Variants in RTN4RL1 observed in about 807,000 individuals in gnomAD.
RTN4RL1 encodes the protein reticulon 4 receptor like 1, also known as reticulon-4 receptor-like 1.
A neutral mutation model predicts 25.6 loss-of-function variants in RTN4RL1; 7 were observed. The observed-to-expected ratio is 0.27, with a 90% CI of 0.16 to 0.51. RTN4RL1 has a LOEUF of 0.51. RTN4RL1 is among the 20% of genes least tolerant of loss of function. RTN4RL1 has a pLI of 0.97. For synonymous variants in RTN4RL1, 297 were observed against 288.2 expected, an observed-to-expected ratio of 1.03 and a Z score of -0.31; for missense variants, 500 against 615.6, an observed-to-expected ratio of 0.81 and a Z score of 1.99.
chr17:2,024,927 T>G lies in RTN4RL1; in HGVS notation c.-62A>C. On this transcript the variant is annotated 5_prime_UTR_variant, in exon 1 of 2. It removes the in-frame stop codon of an upstream open reading frame in the 5' UTR. Coordinates refer to ENST00000331238, the MANE Select transcript of RTN4RL1 (RefSeq NM_178568.4). ...GCGCACTCCCTCCCGGGGTCCAGAT[T>G]CAAATCCCTGGGCGCCAGCTGCAGC... The G allele has an allele frequency of 6.5e-7, 1 of 1,526,780 alleles. No homozygotes were observed. Among genetic ancestry groups the G allele is most frequent in the Non-Finnish European group, 8.8e-7 (1 of 1,130,538 alleles). The allele number at this position is 1,526,780 out of a possible 1,614,324, so 94.6% of individuals were successfully genotyped here.
chr17:1,981,678 G>A (rs2066867986), intron 1 of RTN4RL1, among the ~76,000 whole-genome samples: 1 of 152,180 alleles, frequency 6.6e-6, no homozygotes, highest in Non-Finnish European at 1.5e-5. Context: ...TGACGTGCTG[G>A]TACACACTGC....
chr17:1,960,665 T>G (rs780392005), intron 1 of RTN4RL1, among the ~76,000 whole-genome samples: 1 of 152,170 alleles, frequency 6.6e-6, no homozygotes, highest in Non-Finnish European at 1.5e-5. Flanking sequence ...AACGTTTTCC[T>G]CACCCCAAAA....
chr17:1,967,105 C>A (rs9892609), intron 1 of RTN4RL1, among the ~76,000 whole-genome samples: 1 of 152,196 alleles, frequency 6.6e-6, no homozygotes, highest in Non-Finnish European at 1.5e-5. Context: ...AGGTGGCAAC[C>A]CAGGAGCCAG....
In RTN4RL1 at chr17:1,936,054, C is replaced by G. The variant is rs1385258975; in HGVS notation, c.*442G>C. The G allele has an allele frequency of 2.0e-6, 2 of 994,096 alleles. No homozygotes were observed. The highest frequency in any genetic ancestry group is 1.2e-6 in the Non-Finnish European group (1 of 835,524). The allele number at this position is 994,096 out of a possible 1,614,324, so 61.6% of individuals were successfully genotyped here. On this transcript the variant is annotated 3_prime_UTR_variant, in exon 2 of 2. Transcript: ENST00000331238. ...TGCTCGTGTGTGCCCAGACTGCTGG[C>G]CACCCAGCCTCGTGGGTGAGCCTCA...
At chr17:2,014,192 C>T (rs1250691542) in intron 1 of RTN4RL1, among the ~76,000 whole-genome samples, 1 of 152,210 alleles carries the variant, frequency 6.6e-6, no homozygotes, top group Non-Finnish European at 1.5e-5. Flanking sequence ...TGGAAGCCCA[C>T]TGTTGAACTT....
chr17:1,989,990 A>G lies in RTN4RL1; in HGVS notation c.13+34863T>C, dbSNP rs531134542. Among the ~76,000 whole-genome samples, 46 of 152,352 alleles carry G rather than the reference A, an allele frequency of 3.0e-4. 1 individual carries two copies. The highest frequency in any genetic ancestry group is 1.1e-3 in the African/African-American group (46 of 41,578). ...AACAAAACAAAAAACAAAGGTCACG[A>G]TAGTTTGTACAACAATGTGAGTGTG... On this transcript the variant is annotated intron_variant, in intron 1 of 1. Transcript: ENST00000331238.
At chr17:1,967,380 C>T (rs1432427065) in intron 1 of RTN4RL1, among the ~76,000 whole-genome samples, 1 of 151,990 alleles carries the variant, frequency 6.6e-6, no homozygotes, top group African/African-American at 2.4e-5. Flanking sequence ...ATCCTCAGCT[C>T]CCCGCCCCCG....
intron 1 of RTN4RL1, among the ~76,000 whole-genome samples, chr17:1,949,597 GC>G (rs1371796040): frequency 6.6e-6 from 1 of 152,190 alleles, no homozygotes; most frequent in African/African-American, 2.4e-5. Context: ...TCTGAGCGCA[GC>G]CCAGATCCTG....
rs1446465847 is a variant in RTN4RL1 at position 1,994,247 on chromosome 17, G to A, written c.13+30606C>T. 6.6e-6 allele frequency among the ~76,000 whole-genome samples: 1 copy of A among 152,096 alleles called. No individual in the cohort carries two copies. Among genetic ancestry groups the A allele is most frequent in the Non-Finnish European group, 1.5e-5 (1 of 68,028 alleles). ...ATGGGCAAGAGCTGGGGAGGACAAAGCGGCTTTCACTCCATCCCTTATGGG... is the reference window on the plus strand; with the variant it reads ...ATGGGCAAGAGCTGGGGAGGACAAAACGGCTTTCACTCCATCCCTTATGGG... On this transcript the variant is annotated intron_variant, in intron 1 of 1. Coordinates refer to ENST00000331238, the MANE Select transcript of RTN4RL1 (RefSeq NM_178568.4). The surrounding 1 kb of genome is among the most constrained non-coding windows in gnomAD (Gnocchi z 4.3).
At chr17:1,954,857 T>A (rs1369537798) in intron 1 of RTN4RL1, among the ~76,000 whole-genome samples, 1 of 152,138 alleles carries the variant, frequency 6.6e-6, no homozygotes, top group Non-Finnish European at 1.5e-5. Flanking sequence ...TTATTGTGGG[T>A]AAATGGAGAT....
At chr17:1,999,680 C>CCA (rs1555520517) in intron 1 of RTN4RL1, among the ~76,000 whole-genome samples, 43 of 151,598 alleles carry the variant, frequency 2.8e-4, no homozygotes, top group East Asian at 1.6e-3. Context: ...CATGCCCCCC[C>CCA]CACACACACA....
intron 1 of RTN4RL1, among the ~76,000 whole-genome samples, chr17:1,984,122 A>G (rs1041162002): frequency 6.6e-6 from 1 of 152,212 alleles, no homozygotes; most frequent in African/African-American, 2.4e-5. Context: ...GAGTCCAAAG[A>G]AATTCTTGAT....
Position 1,998,266 on chromosome 17 carries a change from G to A in RTN4RL1, c.13+26587C>T, listed in dbSNP as rs952863529. Among the ~76,000 whole-genome samples, 3 of 152,148 alleles carry A rather than the reference G, an allele frequency of 2.0e-5. No homozygotes were observed. Among genetic ancestry groups the A allele is most frequent in the African/African-American group, 7.2e-5 (3 of 41,456 alleles). ...AGCTGCAGGGCGAGGGCGGTGCCCA[G>A]ACCCGGCGCCCCAAGGCCTCCCGCA... On this transcript the variant is annotated intron_variant, in intron 1 of 1. Transcript: ENST00000331238. This position sits in a 1 kb window ranked among gnomAD's most constrained non-coding sequence, Gnocchi z 4.9.
At position 1,936,958 on chromosome 17, in the gene RTN4RL1, C is replaced by A; in HGVS notation, c.864G>T (p.Arg288=). 6.2e-7 allele frequency: 1 copy of A among 1,608,246 alleles called. No individual in the cohort carries two copies. The highest frequency in any genetic ancestry group is 8.5e-7 in the Non-Finnish European group (1 of 1,178,760). ...SAVPCVSPGL[R]HGQDLKLLRA... ...TCAGCAGCTTCAGGTCCTGGCCGTG[C>A]CGCAGCCCAGGGGACACACAGGGGA... Residue 288 remains arginine, a synonymous_variant, in exon 2 of 2, where the codon CGG becomes CGT. Transcript: ENST00000331238.
intron 1 of RTN4RL1, among the ~76,000 whole-genome samples, chr17:1,979,902 CTG>C (rs1233864201): frequency 3.9e-5 from 6 of 152,156 alleles, no homozygotes; most frequent in Non-Finnish European, 8.8e-5. Context: ...AAGGAAATCT[CTG>C]TTCTTCAGGC....
rs1722597480 is a variant in RTN4RL1 at position 2,025,083 on chromosome 17, C to T, written c.-218G>A. 2.5e-6 allele frequency: 1 copy of T among 402,240 alleles called. No homozygotes were observed. Among genetic ancestry groups the T allele is most frequent in the Non-Finnish European group, 4.4e-6 (1 of 227,818 alleles). 24.9% of individuals were successfully genotyped at this position (402,240 alleles called of 1,614,324 possible). A position where few individuals can be genotyped will look rare whatever the true frequency, so the allele number is the denominator to read the frequency against. On this transcript the variant is annotated 5_prime_UTR_variant, in exon 1 of 2. Coordinates refer to ENST00000331238, the MANE Select transcript of RTN4RL1 (RefSeq NM_178568.4). The surrounding 1 kb of genome is among the most constrained non-coding windows in gnomAD (Gnocchi z 4.8). The stretch of plus-strand genomic sequence containing the variant: ...CGCCCGCAAGCAACCGTGGTGCTGC[C>T]CGGCAGCCCCGCGCGCTTGCTCAGC...
chr17:1,937,740 C>A lies in RTN4RL1; in HGVS notation c.82G>T (p.Asp28Tyr). The change falls in exon 2 of 2, where the codon GAC becomes TAC. Residue 28 changes from aspartate to tyrosine, a missense_variant. Transcript: ENST00000331238. ...ELPLGGGCPR[D>Y]CVCYPAPMTV... ...ATGGGCGCCGGGTAGCACACACAGT[C>A]CCGTGGGCAGCCACCACCCAGGGGC... 1 of 1,608,682 alleles carries A rather than the reference C, an allele frequency of 6.2e-7. No homozygotes were observed.
intron 1 of RTN4RL1, among the ~76,000 whole-genome samples, chr17:1,938,973 G>T (rs1374325783): frequency 6.6e-6 from 1 of 151,962 alleles, no homozygotes; most frequent in Admixed American, 6.6e-5. Flanking sequence ...TTGAACCTGG[G>T]AGGCGGAGGT....
At chr17:2,021,830 CA>C (rs1168199475) in intron 1 of RTN4RL1, among the ~76,000 whole-genome samples, 2 of 144,498 alleles carry the variant, frequency 1.4e-5, no homozygotes, top group South Asian at 2.3e-4. Flanking sequence ...GCTGGGATTA[CA>C]GGTGTGAGCC....
Sources: gnomAD v4.1 joint callset for allele counts (sites outside exome capture counted in the v4.1 genomes callset) on GRCh38, gnomAD v4.1.1 for gene constraint, Gnocchi (gnomAD v3.1) non-coding constraint, MANE v1.5 for transcripts, NCBI Gene and HGNC (gene_info 2026-07-23, HGNC 2026-07-21) for gene names.